Variants in DTNB observed in about 807,000 individuals in gnomAD.
The protein encoded by DTNB is dystrobrevin beta.
In DTNB, 63 loss-of-function variants were observed where a neutral mutation model predicts 90.7. The observed-to-expected ratio is 0.69, with a 90% confidence interval of 0.57 to 0.86. The LOEUF is 0.86. DTNB is among the 40% of genes least tolerant of loss of function. The pLI is 0.00. For synonymous variants in DTNB, 277 were observed against 286.7 expected, an observed-to-expected ratio of 0.97 and a Z score of 0.34; for missense variants, 744 against 807.1, an observed-to-expected ratio of 0.92 and a Z score of 0.95.
intron 4 of DTNB, among the ~76,000 whole-genome samples, chr2:25,614,445 T>A (rs2069609855): frequency 6.6e-6 from 1 of 152,176 alleles, no homozygotes; most frequent in African/African-American, 2.4e-5. Context: ...AACAACACTA[T>A]AATAAGTGAG....
intron 12 of DTNB, among the ~76,000 whole-genome samples, chr2:25,447,922 A>G (rs2058675370): frequency 6.6e-6 from 1 of 152,170 alleles, no homozygotes; most frequent in South Asian, 2.1e-4. Flanking sequence ...GTTTTGCCAC[A>G]CAAATTCCTG....
chr2:25,474,548 T>C (rs1051129966), intron 10 of DTNB, among the ~76,000 whole-genome samples: 1 of 152,148 alleles, frequency 6.6e-6, no homozygotes, highest in African/African-American at 2.4e-5. Flanking sequence ...TCCTTGGTCT[T>C]AAAAAAACAA....
chr2:25,537,202 T>G (rs370278216), intron 8 of DTNB, among the ~76,000 whole-genome samples: 20 of 152,214 alleles, frequency 1.3e-4, no homozygotes, highest in African/African-American at 4.8e-4. Context: ...AAATCTTTTT[T>G]TTTTTGAGGA....
chr2:25,643,573 G>A (rs574334457), intron 2 of DTNB, among the ~76,000 whole-genome samples: 2 of 152,122 alleles, frequency 1.3e-5, no homozygotes, highest in Non-Finnish European at 2.9e-5. Flanking sequence ...ATAGAATTTT[G>A]GACATTAGCA....
chr2:25,481,306 G>A (rs751846697), intron 10 of DTNB, among the ~76,000 whole-genome samples: 3 of 151,818 alleles, frequency 2.0e-5, no homozygotes, highest in Non-Finnish European at 4.4e-5. Flanking sequence ...TCGGGAGGCT[G>A]AGGCAGGAGA....
intron 9 of DTNB, among the ~76,000 whole-genome samples, chr2:25,500,728 CA>C (rs567952538): frequency 7.1e-4 from 103 of 144,356 alleles, no homozygotes; most frequent in African/African-American, 2.0e-3. Context: ...CCTCCTGTGC[CA>C]AAAAAAAAAT....
rs1394293815 is a variant in DTNB, at chr2:25,552,830, TTC to T, written c.877-21235_877-21234del. ...AAATTTATTTTGAAAATTATATAAT[TTC>T]TCTTTTTGATTTTTTTTTTTTTTTT... On this transcript the variant is annotated intron_variant, in intron 8 of 20. Transcript: ENST00000406818. Among the ~76,000 whole-genome samples, 695 of 150,572 alleles carry T rather than the reference TTC, an allele frequency of 4.6e-3. 1 individual carries two copies. Among genetic ancestry groups the T allele is most frequent in the Non-Finnish European group, 6.7e-3 (453 of 67,716 alleles).
intron 16 of DTNB, among the ~76,000 whole-genome samples, chr2:25,390,605 G>A (rs1177216585): frequency 1.3e-5 from 2 of 151,908 alleles, no homozygotes; most frequent in Non-Finnish European, 2.9e-5. Context: ...GTGCCACCAT[G>A]CCTGGCTTTT....
chr2:25,629,747 G>A (rs1290838371), intron 3 of DTNB, among the ~76,000 whole-genome samples: 1 of 151,990 alleles, frequency 6.6e-6, no homozygotes, highest in Non-Finnish European at 1.5e-5. Context: ...AAAAACAGAA[G>A]AAAACTTCCT....
At chr2:25,667,939 C>T (rs375978134) in intron 1 of DTNB, among the ~76,000 whole-genome samples, 16 of 152,108 alleles carry the variant, frequency 1.1e-4, no homozygotes, top group African/African-American at 2.7e-4. Flanking sequence ...TATCATTCGG[C>T]GCTAAAAAGA....
intron 7 of DTNB, among the ~76,000 whole-genome samples, chr2:25,577,640 T>C (rs1194664516): frequency 1.3e-5 from 2 of 152,204 alleles, no homozygotes; most frequent in Non-Finnish European, 2.9e-5. Context: ...ATTTATACTT[T>C]TAAATGTTGG....
chr2:25,508,910 G>A (rs953453034), intron 9 of DTNB, among the ~76,000 whole-genome samples: 1 of 152,034 alleles, frequency 6.6e-6, no homozygotes, highest in African/African-American at 2.4e-5. Flanking sequence ...GTATTCCTAC[G>A]TTATGTTTCT....
intron 1 of DTNB, among the ~76,000 whole-genome samples, chr2:25,670,573 G>A (rs180899955): frequency 6.7e-4 from 102 of 152,322 alleles, no homozygotes; most frequent in Non-Finnish European, 2.1e-4. Flanking sequence ...CAGTCACACA[G>A]AGTGTGCACT....
In DTNB at chr2:25,628,245, A is replaced by C. The variant is rs1559297932; in HGVS notation, c.288T>G (p.Leu96=). The change falls in exon 4 of 21, where the codon CTT becomes CTG. Residue 96 remains leucine, a synonymous_variant. Coordinates refer to ENST00000406818, the MANE Select transcript of DTNB (RefSeq NM_021907.5). ...CCACACTAATTTGGTGAGTAGAAGG[A>C]AGGCGCTTGTTCAACTGATAGTAGA... is the stretch of plus-strand genomic sequence containing the variant. ...SSIYYQLNKR[L]PSTHQISVEQ... 6.2e-7 allele frequency: 1 copy of C among 1,613,720 alleles called. No individual in the cohort carries two copies. Among genetic ancestry groups the C allele is most frequent in the South Asian group, 1.1e-5 (1 of 91,074 alleles).
chr2:25,432,998 C>CTA lies in DTNB; in HGVS notation c.1344_1345insTA (p.Glu449Ter). 6.2e-7 allele frequency: 1 copy of CTA among 1,602,698 alleles called. No homozygotes were observed. Among genetic ancestry groups the CTA allele is most frequent in the Non-Finnish European group, 8.5e-7 (1 of 1,175,970 alleles). ...AGACGCTGAATCTCCTGCAGGATCT[C>CTA]TCTAGAGAGGATGGGTGAACGGAAA... On this transcript the variant is annotated frameshift_variant and splice_region_variant, in exon 14 of 21. Coordinates refer to ENST00000406818, the MANE Select transcript of DTNB (RefSeq NM_021907.5). LOFTEE classifies it high-confidence loss of function.
At chr2:25,469,574 GA>G (rs1053336889) in intron 10 of DTNB, among the ~76,000 whole-genome samples, 2 of 152,036 alleles carry the variant, frequency 1.3e-5, no homozygotes, top group African/African-American at 4.8e-5. Flanking sequence ...GCATCCTGAG[GA>G]GCTGGGACTA....
At chr2:25,420,473 T>C (rs1396159683) in intron 15 of DTNB, among the ~76,000 whole-genome samples, 1 of 53,670 alleles carries the variant, frequency 1.9e-5, no homozygotes, top group Non-Finnish European at 5.9e-5. Flanking sequence ...AATCAATCTA[T>C]CTATCTATCT....
intron 14 of DTNB, among the ~76,000 whole-genome samples, chr2:25,432,292 C>A (rs2054161514): frequency 6.6e-6 from 1 of 151,778 alleles, no homozygotes. Context: ...TGGATCAGAT[C>A]ACTTCTGTGA....
intron 3 of DTNB, among the ~76,000 whole-genome samples, chr2:25,631,696 C>T (rs2075796423): frequency 1.3e-5 from 2 of 151,906 alleles, no homozygotes; most frequent in African/African-American, 4.8e-5. Flanking sequence ...CAAAGGGACA[C>T]AAAGGAATTC....
Sources: gnomAD v4.1 joint callset for allele counts (sites outside exome capture counted in the v4.1 genomes callset) on GRCh38, gnomAD v4.1.1 for gene constraint, MANE v1.5 for transcripts, NCBI Gene and HGNC (gene_info 2026-07-23, HGNC 2026-07-21) for gene names.